IQGAP1: variants seen among roughly 807,000 people sequenced by gnomAD.
The protein encoded by IQGAP1 is IQ motif containing GTPase activating protein 1.
In IQGAP1, 66 loss-of-function variants were observed where a neutral mutation model predicts 215.6. The ratio of observed to expected loss-of-function variants is 0.31; its 90% CI spans 0.25 to 0.38. The LOEUF (loss-of-function observed/expected upper bound fraction) is 0.38, where lower values mean the gene tolerates loss of function less well. Ranked by LOEUF, IQGAP1 falls within the 10% of genes least tolerant of loss-of-function variation. The pLI is 1.00. For synonymous variants in IQGAP1, 772 were observed against 728.7 expected, an observed-to-expected ratio of 1.06 and a Z score of -0.96; for missense variants, 1,712 against 1,997.1, an observed-to-expected ratio of 0.86 and a Z score of 2.72.
intron 2 of IQGAP1, among the ~76,000 whole-genome samples, chr15:90,420,890 C>T (rs1315304321): frequency 6.6e-6 from 1 of 152,180 alleles, no homozygotes; most frequent in African/African-American, 2.4e-5. Flanking sequence ...CAGTGGCTCA[C>T]GCCTATAATC....
At chr15:90,412,982 G>C (rs1451718577) in intron 2 of IQGAP1, among the ~76,000 whole-genome samples, 2 of 152,158 alleles carry the variant, frequency 1.3e-5, no homozygotes, top group Admixed American at 6.5e-5. Flanking sequence ...CCCTAATTCA[G>C]ATTTCCACCC....
intron 2 of IQGAP1, among the ~76,000 whole-genome samples, chr15:90,420,674 A>G (rs1339287221): frequency 6.6e-6 from 1 of 152,194 alleles, no homozygotes; most frequent in Non-Finnish European, 1.5e-5. Context: ...ACAGGGTTAA[A>G]TATGAGAATT....
chr15:90,395,632 G>A (rs748399582), intron 2 of IQGAP1, among the ~76,000 whole-genome samples: 11 of 152,194 alleles, frequency 7.2e-5, no homozygotes, highest in Non-Finnish European at 1.6e-4. Flanking sequence ...CTAAAGAGCA[G>A]TTGTATAGGA....
chr15:90,429,443 C>G (rs758607572), intron 3 of IQGAP1, 146 bp from the exon 4 acceptor site: 29 of 562,238 alleles, frequency 5.2e-5, no homozygotes, highest in Non-Finnish European at 8.5e-5. Flanking sequence ...GTGGATTTGG[C>G]TTTTTGGTAT....
chr15:90,482,807 T>A (rs1015058169), intron 28 of IQGAP1: 5 of 744,572 alleles, frequency 6.7e-6, no homozygotes, highest in Non-Finnish European at 8.3e-6. Flanking sequence ...TGACTGCCCC[T>A]GAATTCTTCT....
chr15:90,469,852 G>C (rs999905276), intron 18 of IQGAP1, among the ~76,000 whole-genome samples: 2 of 152,202 alleles, frequency 1.3e-5, no homozygotes, highest in African/African-American at 4.8e-5. Flanking sequence ...ACAGAGTACT[G>C]AAAGGACATG....
At chr15:90,424,051 G>A (rs554657417) in intron 2 of IQGAP1, among the ~76,000 whole-genome samples, 6 of 149,354 alleles carry the variant, frequency 4.0e-5, no homozygotes, top group African/African-American at 1.5e-4. Context: ...GTACTGTTAC[G>A]TGCTTGAGGG....
In IQGAP1 at chr15:90,452,880, C is replaced by G. The variant is rs868836341; in HGVS notation, c.1268C>G (p.Pro423Arg). The G allele has an allele frequency of 1.2e-6, 2 of 1,614,126 alleles. No homozygotes were observed. The highest frequency in any genetic ancestry group is 1.7e-6 in the Non-Finnish European group (2 of 1,180,024). The change falls in exon 12 of 38, where the codon CCA becomes CGA. Residue 423 changes from proline (P) to arginine (R), a missense_variant. This residue lies in a region of IQGAP1 where 1,021 missense variants were observed against 1,074.2 expected (regional missense o/e 0.95). Transcript: ENST00000268182. ...GAAGCCCAGCTGCCCCAGGTGTATCCATTTGCCGCCGATCTCTATCAGAAG... is the reference window on the plus strand; with the variant it reads ...GAAGCCCAGCTGCCCCAGGTGTATCGATTTGCCGCCGATCTCTATCAGAAG... ...NPEAQLPQVY[P>R]FAADLYQKEL...
At chr15:90,489,145 A>G (rs1873916216) in intron 33 of IQGAP1, among the ~76,000 whole-genome samples, 1 of 120,734 alleles carries the variant, frequency 8.3e-6, no homozygotes, top group African/African-American at 3.5e-5. Flanking sequence ...TTTTTTTTTA[A>G]TTTGAGACAG....
intron 2 of IQGAP1, among the ~76,000 whole-genome samples, chr15:90,415,195 C>T (rs866256956): frequency 1.3e-5 from 2 of 152,212 alleles, no homozygotes; most frequent in South Asian, 2.1e-4. Context: ...GAGAAATTTT[C>T]TTATAAATTA....
chr15:90,492,275 T>C (rs972071756), intron 34 of IQGAP1, among the ~76,000 whole-genome samples: 7 of 152,000 alleles, frequency 4.6e-5, no homozygotes, highest in African/African-American at 1.7e-4. Context: ...AAAAAAAGTT[T>C]TTTAATTAGC....
chr15:90,476,952 AATTT>A (rs1245429646), intron 24 of IQGAP1, 111 bp from the exon 25 acceptor site: 2 of 1,323,518 alleles, frequency 1.5e-6, no homozygotes, highest in African/African-American at 3.0e-5. Context: ...GTAACATGTT[AATTT>A]ATTAATCTTT....
chr15:90,478,040 G>A (rs1966005031), intron 26 of IQGAP1, 151 bp downstream of exon 26: 1 of 627,038 alleles, frequency 1.6e-6, no homozygotes, highest in East Asian at 2.8e-5. Flanking sequence ...CGTCCAGGCT[G>A]GAGTACAGTG....
chr15:90,434,556 T>C (rs1370055187), intron 5 of IQGAP1, among the ~76,000 whole-genome samples: 3 of 152,146 alleles, frequency 2.0e-5, no homozygotes, highest in Admixed American at 6.5e-5. Flanking sequence ...ATTTGGAATG[T>C]GACTTAATTT....
Position 90,473,936 on chromosome 15 carries a change from A to G in IQGAP1, c.2474A>G (p.Tyr825Cys). The G allele has an allele frequency of 1.2e-6, 2 of 1,614,048 alleles. No homozygotes were observed. Among genetic ancestry groups the G allele is most frequent in the Non-Finnish European group, 1.7e-6 (2 of 1,180,004 alleles). The change falls in exon 21 of 38, where the codon TAT (tyrosine) becomes TGT (cysteine). Residue 825 changes from tyrosine (Y) to cysteine (C), a missense_variant. Transcript: ENST00000268182. Reference protein sequence around the residue: ...LARMHQARKRYRDRLQYFRDH... With the variant: ...LARMHQARKRCRDRLQYFRDH... ...AGGATGCACCAAGCTCGAAAGCGCT[A>G]TCGAGATCGCCTGCAGTACTTCCGG...
In IQGAP1 at chr15:90,394,194, T is replaced by G. The variant is rs976093458; in HGVS notation, c.155+3321T>G. ...CATTTGTGATGATCTTCAGGTTTTT[T>G]TTTTTTTTTTTAAGGGAGGGCATAA... is the stretch of plus-strand genomic sequence containing the variant. On this transcript the variant is annotated intron_variant, in intron 2 of 37. Transcript: ENST00000268182. 3.3e-5 allele frequency among the ~76,000 whole-genome samples: 5 copies of G among 150,822 alleles called. No individual in the cohort carries two copies. The East Asian group carries it at 5.8e-4, about 18-fold the overall frequency.
chr15:90,486,369 A>G, intron 31 of IQGAP1: 2 of 343,424 alleles, frequency 5.8e-6, no homozygotes, highest in Non-Finnish European at 1.1e-5. Context: ...AAACGCAGAT[A>G]CATACTGCCA....
intron 31 of IQGAP1, 81 bp from the exon 32 acceptor site, chr15:90,486,873 A>G (rs1281893018): frequency 1.4e-6 from 2 of 1,383,954 alleles, no homozygotes; most frequent in East Asian, 4.6e-5. Flanking sequence ...TTAGACTTGC[A>G]TCATCTTATA....
chr15:90,465,041 C>T (rs1040572822), intron 15 of IQGAP1, among the ~76,000 whole-genome samples: 5 of 152,342 alleles, frequency 3.3e-5, no homozygotes, highest in African/African-American at 9.6e-5. Flanking sequence ...CAATAGTCAA[C>T]TCAGACTATG....
Sources: gnomAD v4.1 joint callset for allele counts (sites outside exome capture counted in the v4.1 genomes callset) on GRCh38, gnomAD v4.1.1 for gene constraint, gnomAD v4.1.1 regional missense constraint, MANE v1.5 for transcripts, NCBI Gene and HGNC (gene_info 2026-07-23, HGNC 2026-07-21) for gene names.